BAZ2B: variants seen among roughly 807,000 people sequenced by gnomAD.
The protein encoded by BAZ2B is bromodomain adjacent to zinc finger domain protein 2B.
Under a neutral mutation model 246.0 loss-of-function variants are expected in BAZ2B, and 91 were observed. The ratio of observed to expected loss-of-function variants is 0.37; its 90% CI spans 0.31 to 0.44. BAZ2B has a LOEUF of 0.44. Among genes scored for constraint, BAZ2B ranks in the 20% least tolerant of loss-of-function variants. The pLI is 1.00. For missense variants in BAZ2B, 2,332 were observed against 2,533.7 expected (o/e 0.92, Z 1.71); for synonymous variants, 855 against 860.0 (o/e 0.99, Z 0.10).
chr2:159,379,515 A>T (rs2061755232), intron 25 of BAZ2B, among the ~76,000 whole-genome samples: 1 of 152,190 alleles, frequency 6.6e-6, no homozygotes, highest in Non-Finnish European at 1.5e-5. Context: ...AATTAACAAA[A>T]AAGAAAAGTT....
chr2:159,456,430 A>T (rs1024102227), intron 3 of BAZ2B, among the ~76,000 whole-genome samples: 1 of 152,086 alleles, frequency 6.6e-6, no homozygotes, highest in Non-Finnish European at 1.5e-5. Context: ...ATAAGCAGTA[A>T]ATAAATGAAG....
chr2:159,528,250 G>T (rs1226787635), intron 2 of BAZ2B, among the ~76,000 whole-genome samples: 1 of 152,086 alleles, frequency 6.6e-6, no homozygotes, highest in African/African-American at 2.4e-5. Flanking sequence ...CTAGTTAGGG[G>T]GTTACTGTGA....
At chr2:159,437,939 T>C (rs1197641197) in intron 8 of BAZ2B, 1 of 164,706 alleles carries the variant, frequency 6.1e-6, no homozygotes, top group Non-Finnish European at 1.3e-5. Context: ...TAAAAAAAAA[T>C]TGGTATTAGG....
intron 13 of BAZ2B, among the ~76,000 whole-genome samples, chr2:159,425,686 T>C (rs991984936): frequency 1.3e-5 from 2 of 152,230 alleles, no homozygotes; most frequent in Non-Finnish European, 2.9e-5. Context: ...AGCAGATATA[T>C]TGTAAATACG....
intron 34 of BAZ2B, among the ~76,000 whole-genome samples, chr2:159,328,741 T>A (rs1313924636): frequency 6.6e-6 from 1 of 152,116 alleles, no homozygotes; most frequent in Admixed American, 6.6e-5. Context: ...TGTGTGTGTA[T>A]GTGTGTGTGT....
intron 1 of BAZ2B, among the ~76,000 whole-genome samples, chr2:159,564,889 G>A (rs996247652): frequency 6.6e-6 from 1 of 152,104 alleles, no homozygotes; most frequent in Non-Finnish European, 1.5e-5. Context: ...TTTATTTTTT[G>A]AGGCAGAGTC....
chr2:159,317,227 A>C (rs1363030476), downstream of BAZ2B, among the ~76,000 whole-genome samples: 1 of 152,164 alleles, frequency 6.6e-6, no homozygotes, highest in Non-Finnish European at 1.5e-5. Context: ...GGAGAAAGCT[A>C]AAGGGACAGA....
intron 4 of BAZ2B, among the ~76,000 whole-genome samples, chr2:159,453,133 A>T (rs1383129320): frequency 6.6e-6 from 1 of 152,120 alleles, no homozygotes; most frequent in Admixed American, 6.6e-5. Flanking sequence ...AAAACAGAAA[A>T]ATAAAGAAAT....
rs1198562195 is a variant in BAZ2B at position 159,382,646 on chromosome 2, GTCA to G, written c.3915_3917del (p.Asp1306del). 3.1e-6 allele frequency: 5 copies of G among 1,588,568 alleles called. No individual in the cohort carries two copies. The highest frequency in any genetic ancestry group is 4.3e-6 in the Non-Finnish European group (5 of 1,164,956). On this transcript the variant is annotated inframe_deletion, in exon 25 of 37. Coordinates refer to ENST00000392783, the MANE Select transcript of BAZ2B (RefSeq NM_013450.4). The stretch of plus-strand genomic sequence containing the variant: ...CATCTTCATCCCCTTGGTCATCACT[GTCA>G]TCGTCATCATCATCGTCATAATCAC...
chr2:159,669,626 G>A, the BAZ2B span, among the ~76,000 whole-genome samples: 4 of 151,970 alleles, frequency 2.6e-5, no homozygotes, highest in Non-Finnish European at 4.4e-5. Context: ...GCCTTTTATC[G>A]TTATGAAATA....
chr2:159,650,257 T>C, the BAZ2B span, among the ~76,000 whole-genome samples: 1 of 152,014 alleles, frequency 6.6e-6, no homozygotes, highest in Non-Finnish European at 1.5e-5. Context: ...GTGTCATATA[T>C]TGTGAATTTT....
intron 1 of BAZ2B, among the ~76,000 whole-genome samples, chr2:159,570,196 T>G (rs1428944124): frequency 5.9e-5 from 9 of 151,970 alleles, no homozygotes; most frequent in East Asian, 3.9e-4. Flanking sequence ...TTTTTGTTTT[T>G]TTTCTGGAGA....
intron 3 of BAZ2B, among the ~76,000 whole-genome samples, chr2:159,473,539 G>T (rs993354581): frequency 2.6e-5 from 4 of 152,052 alleles, no homozygotes; most frequent in East Asian, 1.9e-4. Context: ...TTTTTGAGGG[G>T]TTTTTTGTTT....
At chr2:159,629,742 G>A in the BAZ2B span, among the ~76,000 whole-genome samples, 1 of 152,100 alleles carries the variant, frequency 6.6e-6, no homozygotes, top group Non-Finnish European at 1.5e-5. Flanking sequence ...GTTAATGGAT[G>A]CAGTAAACCA....
chr2:159,663,771 C>G, the BAZ2B span, among the ~76,000 whole-genome samples: 4 of 151,388 alleles, frequency 2.6e-5, no homozygotes, highest in African/African-American at 9.7e-5. Flanking sequence ...CTTGCCTTGG[C>G]CTCCAAAAAT....
chr2:159,366,030 C>G (rs187312376), intron 27 of BAZ2B, among the ~76,000 whole-genome samples: 1 of 152,286 alleles, frequency 6.6e-6, no homozygotes, highest in African/African-American at 2.4e-5. Flanking sequence ...AATTCTACTC[C>G]CAGATAACAC....
chr2:159,426,178 A>G (rs933117779), intron 13 of BAZ2B, among the ~76,000 whole-genome samples: 1 of 152,288 alleles, frequency 6.6e-6, no homozygotes, highest in African/African-American at 2.4e-5. Context: ...TTTGGAAAAC[A>G]CTGATTATAT....
At chr2:159,467,153 A>AG (rs778747584) in intron 3 of BAZ2B, among the ~76,000 whole-genome samples, 2 of 152,166 alleles carry the variant, frequency 1.3e-5, no homozygotes, top group East Asian at 1.9e-4. Context: ...CTGAAAGATA[A>AG]GGGGTCAGAA....
chr2:159,504,760 T>C (rs775010461), intron 2 of BAZ2B, among the ~76,000 whole-genome samples: 2 of 152,152 alleles, frequency 1.3e-5, no homozygotes, highest in Non-Finnish European at 2.9e-5. Context: ...AAAAGGCAAA[T>C]AGGGTTCTAC....
Sources: allele counts gnomAD v4.1 joint callset (sites outside exome capture counted in the v4.1 genomes callset), GRCh38; gene constraint gnomAD v4.1.1; transcripts MANE v1.5; gene names NCBI Gene and HGNC (gene_info 2026-07-23, HGNC 2026-07-21).